The following AGBL4 variants were observed in gnomAD, a reference collection of about 807,000 sequenced individuals.
AGBL4 encodes the protein AGBL carboxypeptidase 4.
A neutral mutation model predicts 66.4 loss-of-function variants in AGBL4; 58 were observed. The observed-to-expected ratio is 0.87, with a 90% CI of 0.71 to 1.09. The LOEUF (loss-of-function observed/expected upper bound fraction) is 1.09, where lower values mean the gene tolerates loss of function less well. Ranked by LOEUF, AGBL4 falls within the 50% of genes least tolerant of loss-of-function variation. The probability of loss-of-function intolerance (pLI) is 0.00; values close to 1 mark genes in which losing one functional copy is unlikely to be tolerated. For missense variants in AGBL4, 579 were observed against 631.0 expected, an observed-to-expected ratio of 0.92 and a Z score of 0.88; for synonymous variants, 234 against 222.9, an observed-to-expected ratio of 1.05 and a Z score of -0.44.
At chr1:49,759,340 G>C (rs541376043) in intron 2 of AGBL4, among the ~76,000 whole-genome samples, 1 of 152,266 alleles carries the variant, frequency 6.6e-6, no homozygotes, top group South Asian at 2.1e-4. Context: ...TCCAAAGTAA[G>C]AGACATTCTA....
chr1:49,990,304 T>C (rs1659841587), intron 1 of AGBL4, among the ~76,000 whole-genome samples: 1 of 152,064 alleles, frequency 6.6e-6, no homozygotes, highest in Admixed American at 6.6e-5. Flanking sequence ...AGGAAACTGG[T>C]GGGAGGTGAT....
intron 2 of AGBL4, among the ~76,000 whole-genome samples, chr1:49,752,794 T>G (rs1042187407): frequency 1.3e-5 from 2 of 152,224 alleles, no homozygotes; most frequent in Non-Finnish European, 2.9e-5. Flanking sequence ...TAGCCCTTCT[T>G]GTTGCATTGA....
At chr1:49,845,208 C>G in intron 2 of AGBL4, 1 of 1,480,426 alleles carries the variant, frequency 6.8e-7, no homozygotes, top group Non-Finnish European at 9.4e-7. Context: ...CGGCACTTAC[C>G]AAACACCAGA....
chr1:48,576,459 C>A (rs999922646), intron 11 of AGBL4, among the ~76,000 whole-genome samples: 2 of 152,130 alleles, frequency 1.3e-5, no homozygotes, highest in African/African-American at 4.8e-5. Context: ...TGTCTTCTTG[C>A]CAAAGAAAAT....
At chr1:48,625,651 G>T (rs188684881) in intron 9 of AGBL4, among the ~76,000 whole-genome samples, 2 of 152,272 alleles carry the variant, frequency 1.3e-5, no homozygotes, top group Admixed American at 6.5e-5. Context: ...GGGAACTGAG[G>T]CATAGAGAGT....
chr1:49,933,128 C>G (rs1557592536), intron 1 of AGBL4, among the ~76,000 whole-genome samples: 1 of 152,058 alleles, frequency 6.6e-6, no homozygotes, highest in Non-Finnish European at 1.5e-5. Context: ...AACCTGCAAT[C>G]AAATTTTCAA....
chr1:48,946,935 CACACCTGAGGTA>C (rs1197412033), intron 5 of AGBL4, among the ~76,000 whole-genome samples: 1 of 152,206 alleles, frequency 6.6e-6, no homozygotes, highest in Non-Finnish European at 1.5e-5. Flanking sequence ...GGCCTAAGGG[CACACCTGAGGTA>C]CCTGGAAAGG....
chr1:48,683,936 A>G (rs1168600729), intron 6 of AGBL4, among the ~76,000 whole-genome samples: 1 of 152,218 alleles, frequency 6.6e-6, no homozygotes, highest in Non-Finnish European at 1.5e-5. Context: ...TGAAAATCTA[A>G]TAAGAAAGCA....
intron 4 of AGBL4, among the ~76,000 whole-genome samples, chr1:49,130,007 T>C (rs1161313611): frequency 2.6e-5 from 4 of 152,214 alleles, no homozygotes; most frequent in Non-Finnish European, 5.9e-5. Flanking sequence ...ATCACCTTTC[T>C]AACTGGTGTG....
At chr1:49,925,771 C>T (rs1652705895) in intron 1 of AGBL4, among the ~76,000 whole-genome samples, 1 of 152,206 alleles carries the variant, frequency 6.6e-6, no homozygotes, top group South Asian at 2.1e-4. Context: ...TAGTGGTGAA[C>T]ACAAGGAGAT....
chr1:48,680,390 T>C (rs566979373), intron 6 of AGBL4, among the ~76,000 whole-genome samples: 1 of 152,188 alleles, frequency 6.6e-6, no homozygotes, highest in Non-Finnish European at 1.5e-5. Context: ...TTTCCTTTCC[T>C]GGGATGTATT....
chr1:49,851,192 C>T (rs1165150198), intron 2 of AGBL4, among the ~76,000 whole-genome samples: 1 of 152,090 alleles, frequency 6.6e-6, no homozygotes, highest in African/African-American at 2.4e-5. Context: ...ATATTACCAT[C>T]AATTATATTT....
chr1:49,010,114 G>T (rs1255978503), intron 5 of AGBL4, among the ~76,000 whole-genome samples: 2 of 152,160 alleles, frequency 1.3e-5, no homozygotes, highest in Non-Finnish European at 2.9e-5. Flanking sequence ...CGACATGATT[G>T]TATATCTAGA....
At chr1:49,661,263 T>C (rs972931161) in intron 3 of AGBL4, among the ~76,000 whole-genome samples, 2 of 152,090 alleles carry the variant, frequency 1.3e-5, no homozygotes, top group Non-Finnish European at 2.9e-5. Context: ...TATCAAACTA[T>C]CTCAAACTAA....
At chr1:49,511,976 G>T (rs1475809255) in intron 3 of AGBL4, among the ~76,000 whole-genome samples, 2 of 152,004 alleles carry the variant, frequency 1.3e-5, no homozygotes, top group African/African-American at 4.8e-5. Context: ...CTTGCCCTCT[G>T]CATGGATCAT....
intron 1 of AGBL4, among the ~76,000 whole-genome samples, chr1:49,920,754 G>A (rs1008358638): frequency 4.6e-5 from 7 of 152,132 alleles, no homozygotes; most frequent in African/African-American, 1.7e-4. Flanking sequence ...TATACCCAAA[G>A]GACTACAAAT....
chr1:48,861,077 T>A (rs1380566733), intron 6 of AGBL4, among the ~76,000 whole-genome samples: 1 of 151,978 alleles, frequency 6.6e-6, no homozygotes, highest in Non-Finnish European at 1.5e-5. Context: ...TGGGTATGAA[T>A]AAAATTAGAA....
At chr1:49,656,071 T>C (rs534634123) in intron 3 of AGBL4, among the ~76,000 whole-genome samples, 1 of 151,024 alleles carries the variant, frequency 6.6e-6, no homozygotes, top group Non-Finnish European at 1.5e-5. Flanking sequence ...AGCTTGAACC[T>C]GGGAGGCGGA....
chr1:49,961,085 A>G (rs1203119633), intron 1 of AGBL4, among the ~76,000 whole-genome samples: 1 of 152,134 alleles, frequency 6.6e-6, no homozygotes, highest in Non-Finnish European at 1.5e-5. Context: ...AGCATCACCA[A>G]AGAGTTTTAG....
Sources: gnomAD v4.1 joint callset for allele counts (sites outside exome capture counted in the v4.1 genomes callset) on GRCh38, gnomAD v4.1.1 for gene constraint, MANE v1.5 for transcripts, NCBI Gene and HGNC (gene_info 2026-07-23, HGNC 2026-07-21) for gene names.